Variants in COXFA4L2 observed in about 807,000 individuals in gnomAD.
COXFA4L2 encodes NADH dehydrogenase (ubiquinone) 1 alpha subcomplex, 4-like 2.
chr12:57,238,407 TG>T, the COXFA4L2 span, among the ~76,000 whole-genome samples: 28 of 150,360 alleles, frequency 1.9e-4, no homozygotes, highest in South Asian at 3.2e-3. The surrounding 1 kb of genome is among the most constrained non-coding windows in gnomAD (Gnocchi z 6.8). Flanking sequence ...GCGATGTGTG[TG>T]GGGGGGGCGG....
chr12:57,235,789 G>T, the COXFA4L2 span: 1 of 1,557,464 alleles, frequency 6.4e-7, no homozygotes. Flanking sequence ...CCAGGGCTCC[G>T]GGTTGTTCTT....
At chr12:57,236,709 G>A in the COXFA4L2 span, 16 of 1,531,290 alleles carry the variant, frequency 1.0e-5, no homozygotes, top group Non-Finnish European at 1.4e-5. Flanking sequence ...AGCACTTTTG[G>A]GGTCAGCCCT....
At chr12:57,235,400 G>C in the COXFA4L2 span, 9 of 758,788 alleles carry the variant, frequency 1.2e-5, no homozygotes, top group Non-Finnish European at 1.6e-5. Context: ...CAAGGGAGGA[G>C]AGTAGGGGTG....
chr12:57,235,485 G>A, the COXFA4L2 span: 1 of 1,488,040 alleles, frequency 6.7e-7, no homozygotes, highest in Non-Finnish European at 9.4e-7. Context: ...GTGATGCCTT[G>A]GGGCCTGCGG....
At chr12:57,235,790 GGTT>G in the COXFA4L2 span, 2 of 1,557,946 alleles carry the variant, frequency 1.3e-6, no homozygotes, top group African/African-American at 1.4e-5. Context: ...CAGGGCTCCG[GGTT>G]GTTCTTTCTG....
At chr12:57,237,506 G>T in the COXFA4L2 span, among the ~76,000 whole-genome samples, 1 of 152,236 alleles carries the variant, frequency 6.6e-6, no homozygotes, top group Non-Finnish European at 1.5e-5. Flanking sequence ...AGGCCAGTGA[G>T]GGCATGTGCA....
At chr12:57,236,751 C>T in the COXFA4L2 span, 3 of 1,404,042 alleles carry the variant, frequency 2.1e-6, no homozygotes, top group East Asian at 2.5e-5. Context: ...CCTTTACAAG[C>T]TTTTCTGCCC....
chr12:57,235,599 G>A, the COXFA4L2 span: 2 of 1,614,050 alleles, frequency 1.2e-6, no homozygotes, highest in African/African-American at 1.3e-5. Context: ...GCTTCTTATA[G>A]TCAGTGGAAA....
chr12:57,237,365 G>A, the COXFA4L2 span: 4 of 1,378,764 alleles, frequency 2.9e-6, no homozygotes, highest in African/African-American at 1.5e-5. Context: ...CATTCTTGGG[G>A]CTTCTGGCAT....
chr12:57,235,610 C>A, the COXFA4L2 span: 5 of 1,614,030 alleles, frequency 3.1e-6, no homozygotes, highest in African/African-American at 6.7e-5. Flanking sequence ...TCAGTGGAAA[C>A]TGCAAGGAAC....
chr12:57,235,719 G>A, the COXFA4L2 span: 2 of 1,610,862 alleles, frequency 1.2e-6, no homozygotes, highest in Admixed American at 3.3e-5. Flanking sequence ...TAAGAGGATG[G>A]GGGGCAACCC....
chr12:57,239,240 G>C, the COXFA4L2 span, among the ~76,000 whole-genome samples: 2 of 152,202 alleles, frequency 1.3e-5, no homozygotes, highest in Non-Finnish European at 2.9e-5. This position sits in a 1 kb window ranked among gnomAD's most constrained non-coding sequence, Gnocchi z 5.5. Context: ...GAGGCCGAGC[G>C]GCCCCCAAGC....
chr12:57,240,144 G>T, the COXFA4L2 span: 2 of 152,232 alleles, frequency 1.3e-5, no homozygotes, highest in African/African-American at 4.8e-5. Context: ...ATTATTAAGG[G>T]CGCCTGGTCC....
chr12:57,239,249 G>A, the COXFA4L2 span, among the ~76,000 whole-genome samples: 1 of 152,234 alleles, frequency 6.6e-6, no homozygotes, highest in Admixed American at 6.5e-5. The surrounding 1 kb of genome is among the most constrained non-coding windows in gnomAD (Gnocchi z 5.5). Flanking sequence ...CGGCCCCCAA[G>A]CTCGGGGAAG....
At chr12:57,237,033 G>A in the COXFA4L2 span, 1 of 1,614,186 alleles carries the variant, frequency 6.2e-7, no homozygotes. Context: ...ACTCACCCCC[G>A]GATGTCTTTT....
At chr12:57,235,847 C>A in the COXFA4L2 span, 1 of 1,504,212 alleles carries the variant, frequency 6.6e-7, no homozygotes. Flanking sequence ...GGTCTCCTCC[C>A]TGGGACCCAG....
the COXFA4L2 span, chr12:57,236,437 G>T: frequency 1.7e-6 from 1 of 597,830 alleles, no homozygotes; most frequent in Non-Finnish European, 2.8e-6. Context: ...GGGATACGGG[G>T]GTCTCCCAGG....
chr12:57,238,632 G>A, the COXFA4L2 span, among the ~76,000 whole-genome samples: 1 of 152,200 alleles, frequency 6.6e-6, no homozygotes, highest in Non-Finnish European at 1.5e-5. This position sits in a 1 kb window ranked among gnomAD's most constrained non-coding sequence, Gnocchi z 6.8. Flanking sequence ...GGGGAGCCAG[G>A]ACGCCGGAAG....
chr12:57,235,914 A>T, the COXFA4L2 span: 1 of 986,944 alleles, frequency 1.0e-6, no homozygotes. Context: ...GCCCCACCCC[A>T]GTACCCCTGC....
Sources: allele counts gnomAD v4.1 joint callset (sites outside exome capture counted in the v4.1 genomes callset), GRCh38; gene constraint gnomAD v4.1.1; non-coding constraint Gnocchi (gnomAD v3.1); transcripts MANE v1.5; gene names NCBI Gene and HGNC (gene_info 2026-07-23, HGNC 2026-07-21).